The following SIPA1L2 variants were observed in gnomAD, a reference collection of about 807,000 sequenced individuals.
SIPA1L2 encodes the protein signal induced proliferation associated 1 like 2.
In SIPA1L2, 56 loss-of-function variants were observed where a neutral mutation model predicts 163.9. The observed-to-expected ratio is 0.34, with a 90% CI of 0.28 to 0.43. SIPA1L2 has a LOEUF of 0.43. Among genes scored for constraint, SIPA1L2 ranks in the 20% least tolerant of loss-of-function variants. The pLI, the probability that SIPA1L2 is intolerant of heterozygous loss-of-function variation, is 1.00. For synonymous variants in SIPA1L2, 877 were observed against 865.7 expected, an observed-to-expected ratio of 1.01 and a Z score of -0.23; for missense variants, 1,974 against 2,193.5, an observed-to-expected ratio of 0.90 and a Z score of 2.00.
rs141234683 is a variant in SIPA1L2 at position 232,542,459 on chromosome 1, T to G, written c.-269-26851A>C. Reference sequence around the variant, plus strand: ...TCATAAAGTTCTAAAATGCATCTACTCTAGTCTTAAGACAGGGTACCAGAA... The same window carrying G: ...TCATAAAGTTCTAAAATGCATCTACGCTAGTCTTAAGACAGGGTACCAGAA... On this transcript the variant is annotated intron_variant, in intron 2 of 22. Transcript: ENST00000674635. Among the ~76,000 whole-genome samples, 197 of 152,314 alleles carry G rather than the reference T, an allele frequency of 1.3e-3. 1 individual carries two copies. The highest frequency in any genetic ancestry group is 4.6e-3 in the African/African-American group (193 of 41,578).
rs554470582 is a variant in SIPA1L2, at chr1:232,495,195, A to G, written c.1484-1535T>C. Reference sequence around the variant, plus strand: ...ATCATTTACCTATTTGCTGTTTGCAACCAAATGGGATTAGTACTGACATTA... The same window carrying G: ...ATCATTTACCTATTTGCTGTTTGCAGCCAAATGGGATTAGTACTGACATTA... On this transcript the variant is annotated intron_variant, in intron 3 of 22. Coordinates refer to ENST00000674635, the MANE Select transcript of SIPA1L2 (RefSeq NM_020808.5). Among the ~76,000 whole-genome samples the G allele has an allele frequency of 3.3e-5, 5 of 152,300 alleles. No homozygotes were observed. In the East Asian group the frequency reaches 9.6e-4, roughly 29 times the overall value.
intron 16 of SIPA1L2, among the ~76,000 whole-genome samples, chr1:232,431,430 G>GA (rs1425087478): frequency 6.6e-6 from 1 of 151,994 alleles, no homozygotes; most frequent in East Asian, 1.9e-4. Flanking sequence ...TTTTTTAAGA[G>GA]AAAAAAGTGA....
intron 22 of SIPA1L2, 109 bp from the exon 23 acceptor site, chr1:232,399,382 G>T: frequency 8.1e-7 from 1 of 1,228,416 alleles, no homozygotes; most frequent in Non-Finnish European, 1.1e-6. Flanking sequence ...TGTACTTTTT[G>T]AGGGGAGAAG....
At chr1:232,434,094 A>G (rs146877787) in intron 15 of SIPA1L2, among the ~76,000 whole-genome samples, 74 of 152,308 alleles carry the variant, frequency 4.9e-4, no homozygotes, top group Non-Finnish European at 8.7e-4. Flanking sequence ...CTTTCTATTG[A>G]AAGAGTTTAA....
At chr1:232,530,057 TGCA>T in intron 2 of SIPA1L2, among the ~76,000 whole-genome samples, 1 of 152,290 alleles carries the variant, frequency 6.6e-6, no homozygotes, top group South Asian at 2.1e-4. Flanking sequence ...CTGTTTCTCC[TGCA>T]GTCTTTCTTG....
chr1:232,466,625 T>C (rs934523760), intron 8 of SIPA1L2, among the ~76,000 whole-genome samples: 4 of 151,846 alleles, frequency 2.6e-5, no homozygotes, highest in Admixed American at 2.6e-4. Flanking sequence ...CCCGTCTCTA[T>C]TAAAAATACA....
At chr1:232,494,959 G>A (rs1458761040) in intron 3 of SIPA1L2, among the ~76,000 whole-genome samples, 1 of 152,134 alleles carries the variant, frequency 6.6e-6, no homozygotes, top group Non-Finnish European at 1.5e-5. Flanking sequence ...ATAATACAGG[G>A]AACATCTGCA....
rs1661200538 is a variant in SIPA1L2, at chr1:232,415,590, T to C, written c.4666A>G (p.Lys1556Glu). ...AGGCCAGGATCTGCGCACTTGGACT[T>C]ATCTGATAAGGACCCATCGGAGAAC... ...FWFSDGSLSDKSKCADPGLMP... is the reference protein window; with the variant it reads ...FWFSDGSLSDESKCADPGLMP... Residue 1556 changes from lysine (K) to glutamate (E), a missense_variant, in exon 19 of 23, where the codon AAG becomes GAG. Around this residue, in one of 3 missense-constraint regions of SIPA1L2, gnomAD observed 1,079 missense variants for 1,150.7 expected, o/e 0.94. Coordinates refer to ENST00000674635, the MANE Select transcript of SIPA1L2 (RefSeq NM_020808.5). 2 of 1,613,844 alleles carry C rather than the reference T, an allele frequency of 1.2e-6. No homozygotes were observed. Among genetic ancestry groups the C allele is most frequent in the Non-Finnish European group, 1.7e-6 (2 of 1,179,940 alleles).
At position 232,514,435 on chromosome 1, in the gene SIPA1L2, T is replaced by C. The variant is rs758725175; in HGVS notation, c.905A>G (p.His302Arg). 16 of 1,614,142 alleles carry C rather than the reference T, an allele frequency of 9.9e-6. No individual in the cohort carries two copies. Among genetic ancestry groups the C allele is most frequent in the Non-Finnish European group, 1.4e-5 (16 of 1,180,050 alleles). ...CTCAGACGTGAACTTGAAAGTTTCG[T>C]GCTCACTTTTAACAGTTCGAAGCTT... is the stretch of plus-strand genomic sequence containing the variant. ...FRKLRTVKSE[H>R]ETFKFTSELE... Residue 302 changes from histidine to arginine, a missense_variant, in exon 3 of 23, where the codon CAC (histidine) becomes CGC (arginine). Around this residue, in one of 3 missense-constraint regions of SIPA1L2, gnomAD observed 607 missense variants for 624.0 expected, o/e 0.97. Transcript: ENST00000674635.
rs1663313066 is a variant in SIPA1L2, at chr1:232,630,119, C to T, written c.-569G>A. ...CCTCCTCTCGCTCCGCCAGCTCCTC[C>T]CGGGCTCCCAGTCTGCCGCGCCGGC... On this transcript the variant is annotated 5_prime_UTR_variant, in exon 1 of 23. Coordinates refer to ENST00000674635, the MANE Select transcript of SIPA1L2 (RefSeq NM_020808.5). 1.3e-5 allele frequency among the ~76,000 whole-genome samples: 2 copies of T among 151,252 alleles called. No homozygotes were observed. The highest frequency in any genetic ancestry group is 2.4e-5 in the African/African-American group (1 of 41,330).
chr1:232,526,393 C>G (rs77350356), intron 2 of SIPA1L2, among the ~76,000 whole-genome samples: 2,178 of 148,766 alleles, frequency 0.015, 58 homozygotes, highest in African/African-American at 0.051. Context: ...TTTTTTCACA[C>G]ACTGGAGTGG....
chr1:232,428,350 CTTTTTTTTTTT>C, intron 17 of SIPA1L2, 50 bp downstream of exon 17: 2 of 837,802 alleles, frequency 2.4e-6, no homozygotes, highest in East Asian at 3.6e-5. Context: ...TTTCTTTAGA[CTTTTTTTTTTT>C]TTTTTTTTTT....
chr1:232,507,473 C>G (rs1338504139), intron 3 of SIPA1L2, among the ~76,000 whole-genome samples: 1 of 152,162 alleles, frequency 6.6e-6, no homozygotes, highest in Non-Finnish European at 1.5e-5. Context: ...ATACCTTTTG[C>G]AAGTGAGTCA....
intron 19 of SIPA1L2, among the ~76,000 whole-genome samples, chr1:232,407,535 G>A (rs182100723): frequency 4.1e-4 from 63 of 152,304 alleles, no homozygotes; most frequent in Middle Eastern, 3.4e-3. Context: ...TGGAAAATAC[G>A]GTTATGTGGA....
At chr1:232,489,762 T>C (rs1665833454) in intron 5 of SIPA1L2, among the ~76,000 whole-genome samples, 1 of 152,216 alleles carries the variant, frequency 6.6e-6, no homozygotes, top group Admixed American at 6.5e-5. Context: ...AAATATACAT[T>C]GTCACTGTCT....
At chr1:232,534,495 A>G (rs1408094407) in intron 2 of SIPA1L2, among the ~76,000 whole-genome samples, 1 of 152,274 alleles carries the variant, frequency 6.6e-6, no homozygotes, top group African/African-American at 2.4e-5. Flanking sequence ...TTGCTTGAAT[A>G]TGACACTAAA....
At chr1:232,472,598 T>C (rs1202102256) in intron 7 of SIPA1L2, among the ~76,000 whole-genome samples, 1 of 152,228 alleles carries the variant, frequency 6.6e-6, no homozygotes, top group Non-Finnish European at 1.5e-5. Context: ...GGCATAGATT[T>C]GTGCTCTCAA....
chr1:232,620,845 A>G (rs1277657836), intron 1 of SIPA1L2, among the ~76,000 whole-genome samples: 1 of 152,236 alleles, frequency 6.6e-6, no homozygotes, highest in East Asian at 1.9e-4. Context: ...TAATTCAATG[A>G]CAAGGTGAAC....
intron 3 of SIPA1L2, among the ~76,000 whole-genome samples, chr1:232,497,135 A>G (rs1481487058): frequency 6.6e-6 from 1 of 152,208 alleles, no homozygotes. Flanking sequence ...AGGACAGAAA[A>G]CAGAGCCATG....
Sources: allele counts gnomAD v4.1 joint callset (sites outside exome capture counted in the v4.1 genomes callset), GRCh38; gene constraint gnomAD v4.1.1; regional missense constraint gnomAD v4.1.1; transcripts MANE v1.5; gene names NCBI Gene and HGNC (gene_info 2026-07-23, HGNC 2026-07-21).